TBK1: variants seen among roughly 807,000 people sequenced by gnomAD.
TBK1 encodes TANK binding kinase 1.
Under a neutral mutation model 99.9 loss-of-function variants are expected in TBK1, and 37 were observed. The observed-to-expected ratio is 0.37, with a 90% confidence interval of 0.28 to 0.49. The LOEUF is 0.49. Ranked by LOEUF, TBK1 falls within the 20% of genes least tolerant of loss-of-function variation. The pLI is 0.98. For missense variants in TBK1, 644 were observed against 872.5 expected (o/e 0.74, Z 3.30); for synonymous variants, 258 against 279.8 (o/e 0.92, Z 0.78).
At chr12:64,480,491 G>T (rs2040758943) in intron 7 of TBK1, among the ~76,000 whole-genome samples, 2 of 152,082 alleles carry the variant, frequency 1.3e-5, no homozygotes, top group South Asian at 4.1e-4. Flanking sequence ...CTCAACTGGA[G>T]TTGTAAAAAG....
chr12:64,487,173 A>G (rs1472808885), intron 11 of TBK1, among the ~76,000 whole-genome samples: 3 of 152,214 alleles, frequency 2.0e-5, no homozygotes, highest in Non-Finnish European at 4.4e-5. Flanking sequence ...TCTGAAAAAA[A>G]TGGAAAATAC....
chr12:64,462,320 A>G (rs905823821), intron 3 of TBK1, among the ~76,000 whole-genome samples: 9 of 152,242 alleles, frequency 5.9e-5, no homozygotes, highest in Non-Finnish European at 1.3e-4. Context: ...ATGAAAAGAG[A>G]TATTTACCAA....
intron 16 of TBK1, 123 bp downstream of exon 16, chr12:64,496,529 C>T: frequency 5.8e-6 from 3 of 521,320 alleles, no homozygotes; most frequent in South Asian, 6.8e-5. Flanking sequence ...CTTGATTTTA[C>T]AGGATTGTTA....
At chr12:64,496,753 C>T (rs564740104) in intron 16 of TBK1, among the ~76,000 whole-genome samples, 196 bp from the exon 17 acceptor site, 32 of 152,296 alleles carry the variant, frequency 2.1e-4, no homozygotes, top group Middle Eastern at 6.8e-3. Context: ...ATTTTTTTTA[C>T]ATCCATTTTG....
intron 3 of TBK1, 69 bp from the exon 4 acceptor site, chr12:64,464,265 G>A: frequency 7.7e-7 from 1 of 1,290,748 alleles, no homozygotes; most frequent in Non-Finnish European, 1.1e-6. Context: ...AATGAAATCA[G>A]ATAAGTACTG....
intron 12 of TBK1, among the ~76,000 whole-genome samples, chr12:64,488,820 C>T (rs1487622682): frequency 3.3e-5 from 5 of 152,116 alleles, no homozygotes; most frequent in South Asian, 2.1e-4. Flanking sequence ...GGTGAAACTC[C>T]GTCTCTACTA....
chr12:64,484,991 G>A (rs376401383), intron 9 of TBK1, among the ~76,000 whole-genome samples: 1 of 152,100 alleles, frequency 6.6e-6, no homozygotes, highest in Non-Finnish European at 1.5e-5. Context: ...TTTAAAAAGT[G>A]TTTTGCTAAC....
chr12:64,492,919 A>C (rs2040885454), intron 13 of TBK1, among the ~76,000 whole-genome samples: 1 of 121,782 alleles, frequency 8.2e-6, no homozygotes. Flanking sequence ...TTTTTTGGAG[A>C]CGAAGTTGCT....
At chr12:64,497,822 C>A in intron 19 of TBK1, 68 bp downstream of exon 19, 2 of 1,453,500 alleles carry the variant, frequency 1.4e-6, no homozygotes, top group South Asian at 1.2e-5. Flanking sequence ...TGCTTTTGCT[C>A]TTACATTTTG....
Position 64,495,472 on chromosome 12 carries a change from G to A in TBK1, c.1522-11G>A. On this transcript the variant is annotated splice_polypyrimidine_tract_variant and intron_variant, in intron 13 of 20. Transcript: ENST00000331710. Reference sequence around the variant, plus strand: ...TTGGCAATCTGGATCTGAACCTTTGGTTTTATTTAGCTTTCCAGTTCTCAG... The same window carrying A: ...TTGGCAATCTGGATCTGAACCTTTGATTTTATTTAGCTTTCCAGTTCTCAG... 1.2e-6 allele frequency: 2 copies of A among 1,612,348 alleles called. No individual in the cohort carries two copies. Among genetic ancestry groups the A allele is most frequent in the African/African-American group, 1.3e-5 (1 of 74,940 alleles).
chr12:64,467,241 C>T (rs909245104), intron 5 of TBK1, among the ~76,000 whole-genome samples, 159 bp downstream of exon 5: 7 of 152,116 alleles, frequency 4.6e-5, no homozygotes, highest in African/African-American at 1.4e-4. Flanking sequence ...ATTAGGTACT[C>T]GCTTCCAAGG....
At chr12:64,479,950 G>A in intron 6 of TBK1, 62 bp from the exon 7 acceptor site, 1 of 1,152,624 alleles carries the variant, frequency 8.7e-7, no homozygotes, top group Non-Finnish European at 1.3e-6. Flanking sequence ...CTTTTGCAAA[G>A]CCCATTAATA....
chr12:64,476,037 ATTTTT>A (rs545337804), intron 6 of TBK1, among the ~76,000 whole-genome samples: 1 of 137,414 alleles, frequency 7.3e-6, no homozygotes, highest in Non-Finnish European at 1.6e-5. Flanking sequence ...ACTTTTTTTT[ATTTTT>A]TTATAGCCAT....
rs764832568 is a variant in TBK1, at chr12:64,495,616, C to T, written c.1643+12C>T. 2.5e-6 allele frequency: 4 copies of T among 1,612,950 alleles called. No individual in the cohort carries two copies. Among genetic ancestry groups the T allele is most frequent in the South Asian group, 1.1e-5 (1 of 90,726 alleles). On this transcript the variant is annotated intron_variant, in intron 14 of 20. Coordinates refer to ENST00000331710, the MANE Select transcript of TBK1 (RefSeq NM_013254.4). ...CCGAAAGACAGAAAGTAGGTTATAG[C>T]TTTATGCGTAGTTTCTGCTCTTATT...
chr12:64,489,603 C>T (rs535452288), intron 12 of TBK1, among the ~76,000 whole-genome samples: 4 of 148,808 alleles, frequency 2.7e-5, no homozygotes, highest in African/African-American at 9.9e-5. Context: ...GAGTCTCACT[C>T]TGTCATCTAG....
At chr12:64,472,181 T>C (rs1160301502) in intron 5 of TBK1, among the ~76,000 whole-genome samples, 4 of 151,680 alleles carry the variant, frequency 2.6e-5, no homozygotes, top group Non-Finnish European at 4.4e-5. Flanking sequence ...CCAGTTCTTA[T>C]ACTTGTCTGC....
chr12:64,453,251 G>C (rs911563588), intron 1 of TBK1, among the ~76,000 whole-genome samples: 1 of 152,158 alleles, frequency 6.6e-6, no homozygotes, highest in African/African-American at 2.4e-5. Flanking sequence ...CCATAGTTTT[G>C]TATTTGCATA....
At chr12:64,456,260 T>C (rs2040486445) in intron 2 of TBK1, among the ~76,000 whole-genome samples, 1 of 152,190 alleles carries the variant, frequency 6.6e-6, no homozygotes, top group African/African-American at 2.4e-5. Flanking sequence ...GTAGAGTGAT[T>C]TCACTGACAG....
intron 6 of TBK1, among the ~76,000 whole-genome samples, chr12:64,477,060 G>C (rs2040721432): frequency 6.6e-6 from 1 of 152,110 alleles, no homozygotes; most frequent in Non-Finnish European, 1.5e-5. Flanking sequence ...ATGCTGTTTT[G>C]GTTACCGTAG....
Sources: allele counts gnomAD v4.1 joint callset (sites outside exome capture counted in the v4.1 genomes callset), GRCh38; gene constraint gnomAD v4.1.1; transcripts MANE v1.5; gene names NCBI Gene and HGNC (gene_info 2026-07-23, HGNC 2026-07-21).